SLC2A14: variants seen among roughly 807,000 people sequenced by gnomAD.
SLC2A14 encodes the protein solute carrier family 2, facilitated glucose transporter member 14.
SLC2A14 carries 13 observed loss-of-function variants against 43.0 expected under a neutral mutation model. The observed-to-expected ratio is 0.30, with a 90% confidence interval of 0.20 to 0.48. The LOEUF (loss-of-function observed/expected upper bound fraction) is 0.48, where lower values mean the gene tolerates loss of function less well. SLC2A14 is among the 20% of genes least tolerant of loss of function. The pLI is 0.99. For missense variants in SLC2A14, 428 were observed against 620.4 expected, an observed-to-expected ratio of 0.69 and a Z score of 3.29; for synonymous variants, 190 against 233.8, an observed-to-expected ratio of 0.81 and a Z score of 1.71.
At chr12:7,824,607 C>G (rs924701677) in intron 7 of SLC2A14, among the ~76,000 whole-genome samples, 4 of 151,318 alleles carry the variant, frequency 2.6e-5, no homozygotes, top group African/African-American at 9.7e-5. Flanking sequence ...GTGGTGCACG[C>G]CTGTAATCCC....
chr12:7,828,336 G>C (rs959626593), intron 6 of SLC2A14, among the ~76,000 whole-genome samples: 6 of 150,270 alleles, frequency 4.0e-5, no homozygotes, highest in Admixed American at 1.3e-4. Context: ...CTGCACTACA[G>C]CCTGGGCAAC....
chr12:7,886,502 C>T (rs913499564), intron 1 of SLC2A14, among the ~76,000 whole-genome samples: 1 of 151,770 alleles, frequency 6.6e-6, no homozygotes, highest in Middle Eastern at 3.2e-3. Flanking sequence ...CTGCAGCTAG[C>T]TAAAATTTTT....
chr12:7,881,056 G>A (rs950111351), intron 1 of SLC2A14, among the ~76,000 whole-genome samples: 1 of 152,054 alleles, frequency 6.6e-6, no homozygotes, highest in African/African-American at 2.4e-5. Context: ...GGAGAATGGC[G>A]TGAACCCGGG....
At chr12:7,875,257 A>C (rs867253938), upstream of SLC2A14, among the ~76,000 whole-genome samples, 2 of 97,032 alleles carry the variant, frequency 2.1e-5, no homozygotes, top group Admixed American at 1.2e-4. Context: ...ATATATATAT[A>C]ATTTCTTTGG....
rs776213350 is a variant in SLC2A14, at chr12:7,869,125, C to G, written c.18+738G>C. On this transcript the variant is annotated intron_variant, in intron 2 of 10. Coordinates refer to ENST00000431042, the MANE Select transcript of SLC2A14 (RefSeq NM_001286234.2). The stretch of plus-strand genomic sequence containing the variant: ...CACCATTGCGCTCTAGCCTGGGCAA[C>G]AAGAGTGAAACTCCATCTCAAAAAA... Among the ~76,000 whole-genome samples, 4 of 146,410 alleles carry G rather than the reference C, an allele frequency of 2.7e-5. No individual in the cohort carries two copies. In the East Asian group the frequency reaches 8.0e-4, roughly 29 times the overall value.
In SLC2A14 at chr12:7,869,905, T is replaced by C; in HGVS notation, c.-25A>G. 2 of 1,529,446 alleles carry C rather than the reference T, an allele frequency of 1.3e-6. No homozygotes were observed. Among genetic ancestry groups the C allele is most frequent in the Non-Finnish European group, 1.8e-6 (2 of 1,141,758 alleles). The allele number at this position is 1,529,446 out of a possible 1,614,324, so 94.7% of individuals were successfully genotyped here. A position where few individuals can be genotyped will look rare whatever the true frequency, so the allele number is the denominator to read the frequency against. On this transcript the variant is annotated 5_prime_UTR_variant, in exon 2 of 11. Transcript: ENST00000431042. ...TCTCTCTGCTATCCTAGGAATTGAC[T>C]CCCTCTCCAATTTCTCTTCAAGGTA...
intron 2 of SLC2A14, among the ~76,000 whole-genome samples, chr12:7,862,604 T>C (rs1006962774): frequency 6.6e-6 from 1 of 152,130 alleles, no homozygotes. Context: ...CAGCTCCACC[T>C]GCAGCACCGG....
chr12:7,848,198 G>A (rs1866615308), intron 2 of SLC2A14, among the ~76,000 whole-genome samples: 2 of 151,986 alleles, frequency 1.3e-5, no homozygotes, highest in Non-Finnish European at 1.5e-5. Context: ...GTTATAAAGG[G>A]GTTACCTTCA....
intron 1 of SLC2A14, among the ~76,000 whole-genome samples, chr12:7,888,153 C>G (rs1440269252): frequency 3.3e-5 from 5 of 152,042 alleles, no homozygotes; most frequent in African/African-American, 9.7e-5. Context: ...TGCAGTGTCC[C>G]CCTCCCTATC....
At chr12:7,876,125 A>G (rs1945459865), upstream of SLC2A14, among the ~76,000 whole-genome samples, 1 of 151,060 alleles carries the variant, frequency 6.6e-6, no homozygotes, top group South Asian at 2.1e-4. Context: ...TAAAAATACA[A>G]AAAAAATTAG....
At chr12:7,879,987 CAG>C (rs750541762) in intron 1 of SLC2A14, among the ~76,000 whole-genome samples, 39 of 151,744 alleles carry the variant, frequency 2.6e-4, no homozygotes, top group African/African-American at 9.4e-4. Context: ...GCCTAGGCCT[CAG>C]AGTGACATCT....
chr12:7,826,005 G>T (rs1864329761), intron 7 of SLC2A14, among the ~76,000 whole-genome samples: 1 of 151,378 alleles, frequency 6.6e-6, no homozygotes, highest in Admixed American at 6.6e-5. Flanking sequence ...CTAACGCAAG[G>T]TACATTCTTT....
intron 2 of SLC2A14, among the ~76,000 whole-genome samples, chr12:7,834,582 A>G (rs1865291111): frequency 7.2e-6 from 1 of 138,548 alleles, no homozygotes; most frequent in Admixed American, 7.4e-5. Context: ...AAAAAAAATT[A>G]GCTGGGTATG....
intron 2 of SLC2A14, chr12:7,856,323 G>A (rs1408612148): frequency 6.6e-6 from 1 of 152,054 alleles, no homozygotes; most frequent in Non-Finnish European, 1.5e-5. Context: ...CCACGAGCGG[G>A]GGACCACAAA....
chr12:7,868,230 G>T (rs1195025902), intron 2 of SLC2A14, among the ~76,000 whole-genome samples: 1 of 152,156 alleles, frequency 6.6e-6, no homozygotes, highest in Non-Finnish European at 1.5e-5. Context: ...CATGCTGAAG[G>T]CTCAGATGAT....
At chr12:7,881,167 C>T (rs1385259328) in intron 1 of SLC2A14, among the ~76,000 whole-genome samples, 2 of 152,142 alleles carry the variant, frequency 1.3e-5, no homozygotes, top group African/African-American at 4.8e-5. Context: ...TGCCTGGGCT[C>T]CCACTTTGGC....
At chr12:7,870,014 C>T in intron 1 of SLC2A14, 77 bp from the exon 2 acceptor site, 1 of 823,110 alleles carries the variant, frequency 1.2e-6, no homozygotes, top group Non-Finnish European at 1.8e-6. Flanking sequence ...GTGATTTAGC[C>T]CCCTCGCCAA....
intron 2 of SLC2A14, among the ~76,000 whole-genome samples, chr12:7,844,773 T>G (rs1866320139): frequency 6.6e-6 from 1 of 152,108 alleles, no homozygotes; most frequent in Admixed American, 6.6e-5. Context: ...TGACTTCAGC[T>G]GATCCACCCG....
intron 1 of SLC2A14, among the ~76,000 whole-genome samples, chr12:7,880,568 C>A (rs760763264): frequency 1.3e-5 from 2 of 151,684 alleles, no homozygotes; most frequent in Non-Finnish European, 2.9e-5. Flanking sequence ...GTGGCCCATG[C>A]CTGTAATCTC....
Sources: allele counts gnomAD v4.1 joint callset (sites outside exome capture counted in the v4.1 genomes callset), GRCh38; gene constraint gnomAD v4.1.1; transcripts MANE v1.5; gene names NCBI Gene and HGNC (gene_info 2026-07-23, HGNC 2026-07-21).